The following EPB41L2 variants were observed in gnomAD, a reference collection of about 807,000 sequenced individuals.
The protein encoded by EPB41L2 is erythrocyte membrane protein band 4.1 like 2, also known as band 4.1-like protein 2.
A neutral mutation model predicts 113.0 loss-of-function variants in EPB41L2; 43 were observed. That is an observed-to-expected ratio of 0.38 (90% CI 0.30 to 0.49). The LOEUF (loss-of-function observed/expected upper bound fraction) is 0.49. Among genes scored for constraint, EPB41L2 ranks in the 20% least tolerant of loss-of-function variants. The pLI is 0.95. For missense variants in EPB41L2, 1,147 were observed against 1,223.4 expected (o/e 0.94, Z 0.93); for synonymous variants, 442 against 436.7 (o/e 1.01, Z -0.15).
At chr6:130,997,706 A>G (rs1783469657) in intron 1 of EPB41L2, among the ~76,000 whole-genome samples, 1 of 152,206 alleles carries the variant, frequency 6.6e-6, no homozygotes, top group Non-Finnish European at 1.5e-5. Context: ...AGCCCTAACA[A>G]AGAGAACAAT....
chr6:130,863,631 T>C lies in EPB41L2; in HGVS notation c.2910+7A>G. The stretch of plus-strand genomic sequence containing the variant: ...CCATTTCCAAAACTAGAACTTAACT[T>C]ATTTACCTGGTCATGATCAATATCT... On this transcript the variant is annotated splice_region_variant and intron_variant, in intron 18 of 19. Transcript: ENST00000337057. The C allele has an allele frequency of 6.3e-7, 1 of 1,599,288 alleles. No homozygotes were observed. Among genetic ancestry groups the C allele is most frequent in the Non-Finnish European group, 8.6e-7 (1 of 1,167,526 alleles).
chr6:130,940,521 A>G (rs1224698447), intron 3 of EPB41L2, among the ~76,000 whole-genome samples: 1 of 150,102 alleles, frequency 6.7e-6, no homozygotes, highest in Non-Finnish European at 1.5e-5. Flanking sequence ...GCTGCACTGC[A>G]GTGGCATGAT....
intron 8 of EPB41L2, among the ~76,000 whole-genome samples, chr6:130,897,713 C>T (rs541306113): frequency 1.3e-5 from 2 of 152,130 alleles, no homozygotes; most frequent in Non-Finnish European, 2.9e-5. Context: ...GTCCCCATTA[C>T]ATAGAAAATG....
intron 1 of EPB41L2, among the ~76,000 whole-genome samples, chr6:131,030,587 G>C (rs977818098): frequency 1.3e-5 from 2 of 152,018 alleles, no homozygotes; most frequent in South Asian, 4.1e-4. Context: ...TTTTTCAATC[G>C]CTTACCTCAG....
intron 11 of EPB41L2, among the ~76,000 whole-genome samples, chr6:130,886,022 C>A (rs986806032): frequency 2.6e-5 from 4 of 152,166 alleles, no homozygotes; most frequent in Non-Finnish European, 5.9e-5. Context: ...ATCAGCAAGG[C>A]AAAGTGAGTA....
intron 14 of EPB41L2, chr6:130,876,805 CA>C: frequency 8.0e-7 from 1 of 1,257,176 alleles, no homozygotes; most frequent in Non-Finnish European, 1.1e-6. Flanking sequence ...ACATAATCAA[CA>C]AATAAGACAC....
chr6:130,854,479 T>C (rs1779652314), intron 19 of EPB41L2, among the ~76,000 whole-genome samples: 1 of 152,186 alleles, frequency 6.6e-6, no homozygotes, highest in South Asian at 2.1e-4. Flanking sequence ...TGTGTGTGTG[T>C]CTGTGTGTGT....
intron 6 of EPB41L2, 58 bp downstream of exon 6, chr6:130,904,407 A>C (rs1583280067): frequency 8.0e-7 from 1 of 1,242,436 alleles, no homozygotes; most frequent in African/African-American, 1.5e-5. Flanking sequence ...CTCCCAGGGC[A>C]CAAAAATAAA....
intron 1 of EPB41L2, among the ~76,000 whole-genome samples, chr6:130,958,837 T>A (rs1274550017): frequency 6.6e-6 from 1 of 152,188 alleles, no homozygotes; most frequent in African/African-American, 2.4e-5. Flanking sequence ...TGGGGGTTAT[T>A]TGAAAAGCAA....
intron 1 of EPB41L2, among the ~76,000 whole-genome samples, chr6:131,054,341 TCTGTCCCTGC>T (rs1402754486): frequency 2.5e-5 from 2 of 80,944 alleles, no homozygotes; most frequent in African/African-American, 6.1e-5. Flanking sequence ...TCTGTCCCTG[TCTGTCCCTGC>T]AAGTTTCTGC....
intron 13 of EPB41L2, chr6:130,878,763 A>T (rs9321256): frequency 0.79 from 120,177 of 152,304 alleles, 48,290 homozygotes; most frequent in East Asian, 1. Context: ...ACCAGGATCA[A>T]CCCCCAGCTG....
chr6:130,914,763 A>G (rs6939358), intron 4 of EPB41L2, among the ~76,000 whole-genome samples: 47,377 of 152,064 alleles, frequency 0.31, 10,455 homozygotes, highest in African/African-American at 0.62. Flanking sequence ...TTTATTAAAA[A>G]AAATAAAACA....
chr6:130,976,321 A>G (rs1447418953), intron 1 of EPB41L2, among the ~76,000 whole-genome samples: 1 of 152,230 alleles, frequency 6.6e-6, no homozygotes, highest in Non-Finnish European at 1.5e-5. Flanking sequence ...TTCTTTGACC[A>G]CATACCACAG....
At chr6:130,886,089 CA>C (rs899834407) in intron 11 of EPB41L2, among the ~76,000 whole-genome samples, 1 of 152,194 alleles carries the variant, frequency 6.6e-6, no homozygotes, top group African/African-American at 2.4e-5. Flanking sequence ...AGAACTACCA[CA>C]AGGTCATTTC....
chr6:131,025,085 T>G (rs1790548497), intron 1 of EPB41L2, among the ~76,000 whole-genome samples: 1 of 152,102 alleles, frequency 6.6e-6, no homozygotes, highest in Non-Finnish European at 1.5e-5. Flanking sequence ...TAGATTGCTT[T>G]TATATAAATT....
chr6:131,044,526 T>C (rs2128187784), intron 1 of EPB41L2, among the ~76,000 whole-genome samples: 1 of 152,296 alleles, frequency 6.6e-6, no homozygotes. Flanking sequence ...ATAACTTTAA[T>C]CATCTTAAAA....
intron 1 of EPB41L2, among the ~76,000 whole-genome samples, chr6:131,005,634 A>G (rs1785327034): frequency 6.6e-6 from 1 of 152,200 alleles, no homozygotes; most frequent in Non-Finnish European, 1.5e-5. Flanking sequence ...ACAGGGCAGA[A>G]GACTATGCGA....
intron 3 of EPB41L2, among the ~76,000 whole-genome samples, chr6:130,931,496 T>C (rs1447160880): frequency 6.6e-6 from 1 of 152,174 alleles, no homozygotes; most frequent in Non-Finnish European, 1.5e-5. Context: ...TTTCTTCTTA[T>C]ATTCTAAAAA....
intron 16 of EPB41L2, 169 bp from the exon 17 acceptor site, chr6:130,865,803 C>A (rs1582835039): frequency 1.6e-6 from 1 of 621,188 alleles, no homozygotes; most frequent in Non-Finnish European, 2.8e-6. Context: ...CGAGTAGAGG[C>A]AAAAGGCTAG....
Sources: allele counts gnomAD v4.1 joint callset (sites outside exome capture counted in the v4.1 genomes callset), GRCh38; gene constraint gnomAD v4.1.1; transcripts MANE v1.5; gene names NCBI Gene and HGNC (gene_info 2026-07-23, HGNC 2026-07-21).